DLG2: variants seen among roughly 807,000 people sequenced by gnomAD.
DLG2 encodes disks large homolog 2.
A neutral mutation model predicts 132.5 loss-of-function variants in DLG2; 45 were observed. The observed-to-expected ratio is 0.34, with a 90% CI of 0.27 to 0.44. The LOEUF is 0.44. DLG2 is among the 20% of genes least tolerant of loss of function. The pLI, the probability that DLG2 is intolerant of heterozygous loss-of-function variation, is 1.00. For missense variants in DLG2, 1,045 were observed against 1,196.9 expected (o/e 0.87, Z 1.87); for synonymous variants, 424 against 419.6 (o/e 1.01, Z -0.13).
chr11:84,814,183 G>T (rs1400498855), intron 6 of DLG2, among the ~76,000 whole-genome samples: 1 of 152,032 alleles, frequency 6.6e-6, no homozygotes, highest in Non-Finnish European at 1.5e-5. Context: ...TTGCTGAGCT[G>T]TGATCATTCA....
At chr11:85,089,554 G>A (rs763865676) in intron 6 of DLG2, among the ~76,000 whole-genome samples, 2 of 152,042 alleles carry the variant, frequency 1.3e-5, no homozygotes, top group South Asian at 4.1e-4. Context: ...GGTGGATTCC[G>A]TGCCTTTGCT....
chr11:85,496,676 C>A (rs1460552932), intron 3 of DLG2, among the ~76,000 whole-genome samples: 1 of 152,116 alleles, frequency 6.6e-6, no homozygotes, highest in Non-Finnish European at 1.5e-5. Flanking sequence ...TAGGGGCCAA[C>A]AGACACCTCA....
At chr11:84,417,942 A>G (rs925901873) in intron 7 of DLG2, among the ~76,000 whole-genome samples, 12 of 152,210 alleles carry the variant, frequency 7.9e-5, no homozygotes, top group African/African-American at 2.9e-4. Context: ...CTCTTACAGT[A>G]TCTCTCAACG....
At chr11:84,940,246 G>A (rs190251288) in intron 6 of DLG2, among the ~76,000 whole-genome samples, 551 of 152,298 alleles carry the variant, frequency 3.6e-3, no homozygotes, top group Non-Finnish European at 4.3e-3. Flanking sequence ...CGCCTCCTGG[G>A]TTCAAACGAT....
Position 83,621,657 on chromosome 11 carries a change from A to T in DLG2, c.1940+11554T>A, listed in dbSNP as rs182314221. On this transcript the variant is annotated intron_variant, in intron 19 of 27. Transcript: ENST00000376104. Reference sequence around the variant, plus strand: ...GTTTCTACATATCATAAAAGCAGGCATATGCTTAATTTGTAAAAAATACTC... The same window carrying T: ...GTTTCTACATATCATAAAAGCAGGCTTATGCTTAATTTGTAAAAAATACTC... Among the ~76,000 whole-genome samples the T allele has an allele frequency of 2.0e-5, 3 of 152,238 alleles. No homozygotes were observed. The East Asian group carries it at 5.8e-4, about 30-fold the overall frequency.
chr11:84,814,041 T>C (rs1303926519), intron 6 of DLG2, among the ~76,000 whole-genome samples: 2 of 152,138 alleles, frequency 1.3e-5, no homozygotes, highest in African/African-American at 4.8e-5. Context: ...GTCTATTTGA[T>C]TCCTAAAACA....
intron 6 of DLG2, among the ~76,000 whole-genome samples, chr11:84,724,778 G>C (rs1038015874): frequency 2.0e-5 from 3 of 152,104 alleles, no homozygotes; most frequent in African/African-American, 7.2e-5. Flanking sequence ...AATCACAAAT[G>C]TTTATTTCTT....
chr11:83,938,680 G>A (rs189010408), intron 14 of DLG2, among the ~76,000 whole-genome samples: 69 of 152,190 alleles, frequency 4.5e-4, no homozygotes, highest in Non-Finnish European at 2.9e-4. Context: ...CTACTTTGTG[G>A]CAGGTATATA....
At chr11:84,044,751 A>G (rs1239773316) in intron 11 of DLG2, among the ~76,000 whole-genome samples, 1 of 151,664 alleles carries the variant, frequency 6.6e-6, no homozygotes. Context: ...TCTCAATCAC[A>G]AGTTTCAACT....
At chr11:84,555,098 C>T (rs1316010064) in intron 6 of DLG2, among the ~76,000 whole-genome samples, 1 of 151,942 alleles carries the variant, frequency 6.6e-6, no homozygotes, top group African/African-American at 2.4e-5. Context: ...ATTTGGGTCC[C>T]CATCCTAAGA....
At chr11:83,489,215 C>T (rs1248231253) in intron 21 of DLG2, among the ~76,000 whole-genome samples, 9 of 152,052 alleles carry the variant, frequency 5.9e-5, no homozygotes, top group East Asian at 1.9e-4. Flanking sequence ...CAGAATCTAA[C>T]CAAACCTCTG....
chr11:83,581,138 T>C (rs2096968352), intron 19 of DLG2, among the ~76,000 whole-genome samples: 1 of 151,906 alleles, frequency 6.6e-6, no homozygotes, highest in Non-Finnish European at 1.5e-5. Context: ...GAGAGAGTCT[T>C]GATGGCACTC....
intron 4 of DLG2, among the ~76,000 whole-genome samples, chr11:85,178,961 G>A (rs1193728971): frequency 6.6e-6 from 1 of 151,856 alleles, no homozygotes; most frequent in Admixed American, 6.6e-5. Context: ...AAATACAGCT[G>A]AGAATTTTCC....
intron 19 of DLG2, among the ~76,000 whole-genome samples, chr11:83,615,781 T>C (rs959354212): frequency 2.0e-5 from 3 of 152,158 alleles, no homozygotes; most frequent in Non-Finnish European, 4.4e-5. Flanking sequence ...AGGAGCAAGA[T>C]AACAGGGACT....
intron 3 of DLG2, among the ~76,000 whole-genome samples, chr11:85,437,166 G>C (rs2091528982): frequency 2.0e-5 from 3 of 152,106 alleles, no homozygotes; most frequent in Non-Finnish European, 4.4e-5. Flanking sequence ...GGATGCAAGG[G>C]GAGGGAGAGC....
At chr11:85,492,006 G>C (rs961765491) in intron 3 of DLG2, among the ~76,000 whole-genome samples, 2 of 149,146 alleles carry the variant, frequency 1.3e-5, no homozygotes, top group Non-Finnish European at 2.9e-5. Context: ...TACAAAGCTA[G>C]AATATCAAAA....
chr11:84,327,474 G>A (rs1007651576), intron 7 of DLG2, among the ~76,000 whole-genome samples: 1 of 152,140 alleles, frequency 6.6e-6, no homozygotes, highest in African/African-American at 2.4e-5. Context: ...ATATTGATAA[G>A]GAAGGACTTA....
At position 84,278,547 on chromosome 11, in the gene DLG2, A is replaced by G. The variant is rs117611529; in HGVS notation, c.520-27256T>C. Among the ~76,000 whole-genome samples, 1,306 of 152,224 alleles carry G rather than the reference A, an allele frequency of 8.6e-3. 8 individuals carry two copies. Among genetic ancestry groups the G allele is most frequent in the Middle Eastern group, 0.017 (5 of 294 alleles). On this transcript the variant is annotated intron_variant, in intron 7 of 27. Coordinates refer to ENST00000376104, the MANE Select transcript of DLG2 (RefSeq NM_001142699.3). ...TATTACAAGAAAAGCTAATATCAAT[A>G]AACCCTCATGAATATACAAGCAAAA...
chr11:85,507,145 G>C (rs142170885), intron 3 of DLG2, among the ~76,000 whole-genome samples: 6,930 of 152,208 alleles, frequency 0.046, 500 homozygotes, highest in African/African-American at 0.16. Flanking sequence ...GCACATTGAT[G>C]GGTCTTGACT....
Sources: allele counts gnomAD v4.1 joint callset (sites outside exome capture counted in the v4.1 genomes callset), GRCh38; gene constraint gnomAD v4.1.1; transcripts MANE v1.5; gene names NCBI Gene and HGNC (gene_info 2026-07-23, HGNC 2026-07-21).